TBCB: variants seen among roughly 807,000 people sequenced by gnomAD.
The protein encoded by TBCB is tubulin-folding cofactor B.
A neutral mutation model predicts 29.2 loss-of-function variants in TBCB; 18 were observed. The observed-to-expected ratio is 0.62, with a 90% CI of 0.43 to 0.91. TBCB has a LOEUF of 0.91. Ranked by LOEUF, TBCB falls within the 40% of genes least tolerant of loss-of-function variation. The pLI, the probability that TBCB is intolerant of heterozygous loss-of-function variation, is 0.00. For synonymous variants in TBCB, 172 were observed against 137.8 expected (o/e 1.25, Z -1.74); for missense variants, 336 against 337.6 (o/e 1.00, Z 0.04).
chr19:36,115,862 G>A, intron 1 of TBCB, 179 bp from the exon 2 acceptor site: 1 of 1,102,072 alleles, frequency 9.1e-7, no homozygotes, highest in Non-Finnish European at 1.3e-6. Context: ...GATGAGGGCC[G>A]GGTCCAGCGA....
At chr19:36,115,829 C>T (rs1973941309) in intron 1 of TBCB, 155 bp downstream of exon 1, 4 of 1,075,482 alleles carry the variant, frequency 3.7e-6, no homozygotes, top group South Asian at 3.1e-5. Flanking sequence ...GGGGCGGGTC[C>T]GGAGAGAACT....
chr19:36,115,967 C>T, intron 1 of TBCB, 74 bp from the exon 2 acceptor site: 2 of 1,562,524 alleles, frequency 1.3e-6, no homozygotes, highest in South Asian at 1.2e-5. Context: ...GGAAAAGGGA[C>T]GTGGCGATGG....
At chr19:36,115,812 T>C in intron 1 of TBCB, 138 bp downstream of exon 1, 1 of 1,085,392 alleles carries the variant, frequency 9.2e-7, no homozygotes. Flanking sequence ...GGGGACCCGG[T>C]CGCGGCGGGG....
chr19:36,115,602 C>T lies in TBCB; in HGVS notation c.42C>T (p.Phe14=), dbSNP rs1458857794. 2 of 1,609,966 alleles carry T rather than the reference C, an allele frequency of 1.2e-6. No homozygotes were observed. The highest frequency in any genetic ancestry group is 1.7e-6 in the Non-Finnish European group (2 of 1,178,466). Residue 14 remains phenylalanine, a synonymous_variant, in exon 1 of 6, where the codon TTC becomes TTT. Transcript: ENST00000221855. ...TGTCGGCACCCACGGTGACCGTTTTCATCAGCAGCTCCCTCAACACCTTCC... is the reference window on the plus strand; with the variant it reads ...TGTCGGCACCCACGGTGACCGTTTTTATCAGCAGCTCCCTCAACACCTTCC... The part of the protein sequence containing the change: ...TGVSAPTVTV[F]ISSSLNTFRS...
At chr19:36,122,631 A>T (rs1287153609) in intron 4 of TBCB, among the ~76,000 whole-genome samples, 2 of 150,074 alleles carry the variant, frequency 1.3e-5, no homozygotes, top group East Asian at 4.0e-4. Context: ...GAGCACCTAT[A>T]GGTGCCCCAG....
At position 36,125,771 on chromosome 19, in the gene TBCB, G is replaced by A. The variant is rs1292627664; in HGVS notation, c.724G>A (p.Asp242Asn). The change falls in exon 6 of 6, where the codon GAC becomes AAC. Residue 242 changes from aspartate to asparagine, a missense_variant. Physicochemically the swap from Asp to Asn is conservative, Grantham distance 23. Coordinates refer to ENST00000221855, the MANE Select transcript of TBCB (RefSeq NM_001281.3). ...CTTCCCGGAGGAGGACTACGGGTTG[G>A]ACGAGATATGACACCTAAGGAATTC... The part of the protein sequence containing the change: ...GDFPEEDYGL[D>N]EI The A allele has an allele frequency of 2.6e-6, 4 of 1,530,872 alleles. No individual in the cohort carries two copies. In the South Asian group the frequency reaches 3.9e-5, roughly 15 times the overall value. 94.8% of individuals were successfully genotyped at this position (1,530,872 alleles called of 1,614,324 possible).
In TBCB at chr19:36,125,668, T is replaced by C. The variant is rs979545189; in HGVS notation, c.621T>C (p.Ser207=). The stretch of plus-strand genomic sequence containing the variant: ...CACCCACCCCTATCCTTTCCTGCAG[T>C]GTGAATGGGAAACGCTACTTCGAAT... The part of the protein sequence containing the change: ...YDEPLGKNDG[S]VNGKRYFECQ... Residue 207 remains serine (S), a splice_region_variant and synonymous_variant, in exon 6 of 6, where the codon AGT becomes AGC. Transcript: ENST00000221855. The C allele has an allele frequency of 1.3e-6, 2 of 1,582,746 alleles. No individual in the cohort carries two copies. Among genetic ancestry groups the C allele is most frequent in the Non-Finnish European group, 1.7e-6 (2 of 1,162,608 alleles).
chr19:36,125,402 A>C (rs1974120246), intron 4 of TBCB, 49 bp from the exon 5 acceptor site: 1 of 1,599,190 alleles, frequency 6.3e-7, no homozygotes, highest in South Asian at 1.1e-5. Flanking sequence ...TTTCATGGGG[A>C]TTTCTTCTAT....
intron 4 of TBCB, 81 bp from the exon 5 acceptor site, chr19:36,125,370 T>G: frequency 6.7e-7 from 1 of 1,489,678 alleles, no homozygotes; most frequent in Non-Finnish European, 9.4e-7. Flanking sequence ...TGGGTAGGCA[T>G]GGATCCAGGG....
chr19:36,117,563 G>A (rs569883482), intron 2 of TBCB, among the ~76,000 whole-genome samples: 7 of 151,830 alleles, frequency 4.6e-5, no homozygotes, highest in Admixed American at 2.0e-4. Context: ...TGTTGGCCAG[G>A]CTGGTCTTGA....
At chr19:36,115,944 G>A in intron 1 of TBCB, 97 bp from the exon 2 acceptor site, 1 of 1,527,724 alleles carries the variant, frequency 6.5e-7, no homozygotes, top group East Asian at 2.3e-5. Flanking sequence ...TCCTGACTGG[G>A]GGGTCTTTTG....
chr19:36,120,362 G>A, intron 2 of TBCB: 1 of 254,742 alleles, frequency 3.9e-6, no homozygotes, highest in East Asian at 9.2e-5. Context: ...GAGAGTCCCA[G>A]AGGCCCATCG....
chr19:36,115,731 G>T, intron 1 of TBCB, 57 bp downstream of exon 1: 1 of 1,375,398 alleles, frequency 7.3e-7, no homozygotes, highest in Non-Finnish European at 1.0e-6. Context: ...GGGGGTTCCC[G>T]GAAGGGGGAG....
intron 4 of TBCB, among the ~76,000 whole-genome samples, chr19:36,124,564 G>A (rs569771690): frequency 6.6e-5 from 10 of 151,586 alleles, no homozygotes; most frequent in South Asian, 4.2e-4. Context: ...CTTTTGAGAC[G>A]TAATCTCGCT....
At chr19:36,115,725 G>A (rs772525357) in intron 1 of TBCB, 51 bp downstream of exon 1, 12 of 1,335,014 alleles carry the variant, frequency 9.0e-6, no homozygotes, top group Admixed American at 8.3e-5. Context: ...AAATTGGGGG[G>A]TTCCCGGAAG....
chr19:36,125,347 G>A, intron 4 of TBCB, 104 bp from the exon 5 acceptor site: 1 of 1,264,160 alleles, frequency 7.9e-7, no homozygotes, highest in Non-Finnish European at 1.1e-6. Flanking sequence ...CACCAAGACA[G>A]GCTTCTACTC....
At chr19:36,120,661 G>A in intron 2 of TBCB, 49 bp from the exon 3 acceptor site, 1 of 1,569,612 alleles carries the variant, frequency 6.4e-7, no homozygotes, top group Non-Finnish European at 8.8e-7. Context: ...CAGCACCCAG[G>A]CCTCCCTGGC....
In TBCB at chr19:36,125,778, T is replaced by TA; in HGVS notation, c.732dup (p.Ter245MetfsTer12). On this transcript the variant is annotated frameshift_variant, in exon 6 of 6. Transcript: ENST00000221855. LOFTEE classifies it high-confidence loss of function. ...GAGGAGGACTACGGGTTGGACGAGA[T>TA]ATGACACCTAAGGAATTCCCCTGCT... 6.5e-7 allele frequency: 1 copy of TA among 1,527,868 alleles called. No individual in the cohort carries two copies. 94.6% of individuals were successfully genotyped at this position (1,527,868 alleles called of 1,614,324 possible). A position where few individuals can be genotyped will look rare whatever the true frequency, so the allele number is the denominator to read the frequency against.
intron 4 of TBCB, among the ~76,000 whole-genome samples, chr19:36,125,056 C>A (rs1380686975): frequency 6.6e-6 from 1 of 152,170 alleles, no homozygotes; most frequent in Non-Finnish European, 1.5e-5. Context: ...CAAAGTACCA[C>A]TCACTGAGCA....
Sources: gnomAD v4.1 joint callset for allele counts (sites outside exome capture counted in the v4.1 genomes callset) on GRCh38, gnomAD v4.1.1 for gene constraint, MANE v1.5 for transcripts, NCBI Gene and HGNC (gene_info 2026-07-23, HGNC 2026-07-21) for gene names.